Variants in NLRP14 observed in about 807,000 individuals in gnomAD.
NLRP14 encodes the protein NLR family pyrin domain containing 14.
Under a neutral mutation model 94.7 loss-of-function variants are expected in NLRP14, and 105 were observed. The ratio of observed to expected loss-of-function variants is 1.11; its 90% CI spans 0.95 to 1.30. The LOEUF is 1.30. NLRP14 is among the 50% of genes most tolerant of loss of function. The probability of loss-of-function intolerance (pLI) is 0.00; values close to 1 mark genes in which losing one functional copy is unlikely to be tolerated. For missense variants in NLRP14, 1,362 were observed against 1,254.1 expected, an observed-to-expected ratio of 1.09 and a Z score of -1.30; for synonymous variants, 508 against 459.9, an observed-to-expected ratio of 1.10 and a Z score of -1.34.
intron 4 of NLRP14, 88 bp downstream of exon 4, chr11:7,044,072 C>T (rs1221519031): frequency 3.9e-6 from 5 of 1,285,540 alleles, no homozygotes; most frequent in Non-Finnish European, 5.6e-6. Flanking sequence ...TAGCTGAGGT[C>T]CCAGAGCTGA....
chr11:7,033,668 C>T (rs901279127), intron 1 of NLRP14, among the ~76,000 whole-genome samples: 4 of 152,108 alleles, frequency 2.6e-5, no homozygotes, highest in African/African-American at 7.2e-5. Flanking sequence ...AAACATTTTT[C>T]TGTTTTTGGT....
the NLRP14 span, among the ~76,000 whole-genome samples, chr11:7,085,357 G>A: frequency 1.9e-4 from 29 of 152,298 alleles, no homozygotes; most frequent in South Asian, 2.1e-4. Flanking sequence ...CTGCAAAGCT[G>A]AAACTCTGTA....
At chr11:7,089,705 C>T in the NLRP14 span, 1 of 1,522,746 alleles carries the variant, frequency 6.6e-7, no homozygotes. Context: ...GCCCACCGCG[C>T]CGGGAGCCGC....
chr11:7,085,334 G>C, the NLRP14 span, among the ~76,000 whole-genome samples: 1 of 152,178 alleles, frequency 6.6e-6, no homozygotes, highest in Admixed American at 6.5e-5. Flanking sequence ...CCAATCCCCA[G>C]AACTTTTTCA....
intron 6 of NLRP14, 130 bp from the exon 7 acceptor site, chr11:7,057,547 T>C: frequency 2.4e-6 from 2 of 819,762 alleles, no homozygotes; most frequent in Non-Finnish European, 4.2e-6. Context: ...TTTTTTTCTG[T>C]GTAGAGAAGT....
At chr11:7,069,419 A>C (rs1440542793) in intron 10 of NLRP14, among the ~76,000 whole-genome samples, 1 of 152,204 alleles carries the variant, frequency 6.6e-6, no homozygotes, top group East Asian at 1.9e-4. Flanking sequence ...TGAGTTTGAC[A>C]TACTTCCTCA....
chr11:7,029,129 A>C (rs1852055257), intron 1 of NLRP14, among the ~76,000 whole-genome samples: 1 of 152,202 alleles, frequency 6.6e-6, no homozygotes, highest in Non-Finnish European at 1.5e-5. Context: ...AGACAGGAAG[A>C]AATTAGGGGC....
chr11:7,076,455 A>G (rs77280924), downstream of NLRP14, among the ~76,000 whole-genome samples: 32 of 151,874 alleles, frequency 2.1e-4, no homozygotes, highest in South Asian at 4.8e-3. Context: ...CTTAAGTTGG[A>G]TTCTTCTGAT....
intron 1 of NLRP14, among the ~76,000 whole-genome samples, chr11:7,035,495 T>C (rs1185073615): frequency 6.6e-6 from 1 of 152,178 alleles, no homozygotes; most frequent in Non-Finnish European, 1.5e-5. Flanking sequence ...GTAGAAGCCA[T>C]GAATGCTGCT....
intron 10 of NLRP14, among the ~76,000 whole-genome samples, chr11:7,064,831 T>C (rs998365): frequency 0.059 from 9,044 of 152,016 alleles, 565 homozygotes; most frequent in African/African-American, 0.16. Context: ...TCTTTTTTTT[T>C]CCAGCAAAAA....
chr11:7,039,628 A>G (rs1852216957), intron 2 of NLRP14, 86 bp from the exon 3 acceptor site: 3 of 1,049,812 alleles, frequency 2.9e-6, no homozygotes, highest in South Asian at 1.3e-5. Flanking sequence ...TGGACCACTT[A>G]TGTGAATGCT....
At position 7,070,275 on chromosome 11, in the gene NLRP14, C is replaced by T. The variant is rs1228164872; in HGVS notation, c.2976-11C>T. On this transcript the variant is annotated splice_polypyrimidine_tract_variant and intron_variant, in intron 10 of 11. Transcript: ENST00000299481. ...AAATTCATTTTTATCTTTTGTCTCT[C>T]TTCTCTACAGGTTGGAATACTGTGG... The T allele has an allele frequency of 6.3e-7, 1 of 1,598,972 alleles. No homozygotes were observed. Among genetic ancestry groups the T allele is most frequent in the Admixed American group, 1.7e-5 (1 of 59,984 alleles).
intron 11 of NLRP14, 124 bp from the exon 12 acceptor site, chr11:7,071,049 A>G (rs1852788070): frequency 5.8e-6 from 6 of 1,039,650 alleles, no homozygotes; most frequent in Non-Finnish European, 7.3e-6. Context: ...CACCCATGTT[A>G]TAATATTATC....
the NLRP14 span, chr11:7,089,124 G>C: frequency 6.2e-7 from 1 of 1,613,718 alleles, no homozygotes; most frequent in Non-Finnish European, 8.5e-7. Context: ...GGCAAACATG[G>C]TTGAAGCGGA....
intron 2 of NLRP14, 111 bp downstream of exon 2, chr11:7,038,986 A>T (rs760168184): frequency 2.4e-5 from 24 of 1,001,770 alleles, no homozygotes; most frequent in Non-Finnish European, 3.3e-5. Context: ...GTTGGGGGAC[A>T]TAAGCTCCAT....
intron 1 of NLRP14, among the ~76,000 whole-genome samples, chr11:7,021,327 A>G (rs928490570): frequency 6.6e-6 from 1 of 152,208 alleles, no homozygotes; most frequent in Non-Finnish European, 1.5e-5. Flanking sequence ...CTTGTGAACT[A>G]TATATTTACA....
rs151305338 is a variant in NLRP14 at position 7,050,088 on chromosome 11, T to C, written c.2291+250T>C. Among the ~76,000 whole-genome samples the C allele has an allele frequency of 2.0e-4, 31 of 152,270 alleles. 1 individual carries two copies. The highest frequency in any genetic ancestry group is 7.0e-4 in the African/African-American group (29 of 41,550). The stretch of plus-strand genomic sequence containing the variant: ...CTCCATCTCCTAAATCTGCTGGTGG[T>C]GGGAATAAGAGCAGATTCAGAATTA... On this transcript the variant is annotated intron_variant, in intron 6 of 11. Coordinates refer to ENST00000299481, the MANE Select transcript of NLRP14 (RefSeq NM_176822.4).
At chr11:7,028,932 A>T (rs1852053379) in intron 1 of NLRP14, among the ~76,000 whole-genome samples, 1 of 152,124 alleles carries the variant, frequency 6.6e-6, no homozygotes, top group African/African-American at 2.4e-5. Context: ...TAAATAAATA[A>T]GTAAAATTAT....
intron 10 of NLRP14, among the ~76,000 whole-genome samples, chr11:7,069,613 A>G (rs963542606): frequency 1.3e-4 from 18 of 143,714 alleles, no homozygotes; most frequent in East Asian, 4.2e-4. Context: ...AGACCTTATT[A>G]TATTTCTTGC....
Sources: allele counts gnomAD v4.1 joint callset (sites outside exome capture counted in the v4.1 genomes callset), GRCh38; gene constraint gnomAD v4.1.1; transcripts MANE v1.5; gene names NCBI Gene and HGNC (gene_info 2026-07-23, HGNC 2026-07-21).